ARID3A: variants seen among roughly 807,000 people sequenced by gnomAD.
ARID3A encodes the protein AT-rich interactive domain-containing protein 3A.
A neutral mutation model predicts 52.7 loss-of-function variants in ARID3A; 11 were observed. The ratio of observed to expected loss-of-function variants is 0.21; its 90% CI spans 0.13 to 0.35. The LOEUF (loss-of-function observed/expected upper bound fraction) is 0.35, where lower values mean the gene tolerates loss of function less well. ARID3A is among the 10% of genes least tolerant of loss of function. ARID3A has a pLI of 1.00. For synonymous variants in ARID3A, 404 were observed against 359.4 expected (o/e 1.12, Z -1.40); for missense variants, 721 against 838.5 (o/e 0.86, Z 1.73).
chr19:961,130 A>C (rs1272135810), intron 4 of ARID3A, among the ~76,000 whole-genome samples: 1 of 152,142 alleles, frequency 6.6e-6, no homozygotes, highest in Non-Finnish European at 1.5e-5. Context: ...CACTGTTCAG[A>C]CGGGGGAGGA....
intron 3 of ARID3A, among the ~76,000 whole-genome samples, chr19:939,122 TTTA>T (rs1209578859): frequency 2.0e-5 from 3 of 148,662 alleles, no homozygotes; most frequent in African/African-American, 7.5e-5. Flanking sequence ...TATTTATTTA[TTTA>T]TTATTATTAT....
At position 941,403 on chromosome 19, in the gene ARID3A, G is replaced by A. The variant is rs1381816878; in HGVS notation, c.693+8661G>A. ...TGGATTCTGTGGGTCTCGTGTGTGG[G>A]GCTGTGTGCACCCAGCCAGCGGCAC... On this transcript the variant is annotated intron_variant, in intron 3 of 8. Transcript: ENST00000263620. This position sits in a 1 kb window ranked among gnomAD's most constrained non-coding sequence, Gnocchi z 6.9. Among the ~76,000 whole-genome samples the A allele has an allele frequency of 2.6e-5, 4 of 152,202 alleles. No individual in the cohort carries two copies. The highest frequency in any genetic ancestry group is 9.6e-5 in the African/African-American group (4 of 41,460).
Position 929,406 on chromosome 19 carries a change from C to G in ARID3A, c.-123C>G. On this transcript the variant is annotated 5_prime_UTR_variant, in exon 2 of 9. Transcript: ENST00000263620. The surrounding 1 kb of genome is among the most constrained non-coding windows in gnomAD (Gnocchi z 6.2). ...TGCCACCCTGCACTGCCCCGGCTCC[C>G]CCGCGGCCCCCACGCTGCAGTGCGG... The G allele has an allele frequency of 9.0e-7, 1 of 1,112,084 alleles. No individual in the cohort carries two copies. Among genetic ancestry groups the G allele is most frequent in the Non-Finnish European group, 1.1e-6 (1 of 875,030 alleles). 68.9% of individuals were successfully genotyped at this position (1,112,084 alleles called of 1,614,324 possible).
In ARID3A at chr19:938,166, C is replaced by T. The variant is rs1462145314; in HGVS notation, c.693+5424C>T. Reference sequence around the variant, plus strand: ...GCCTGTTGTCGACTTTTGATCCTAGCCTCCTTGTGGGGGTGGCGTGGTTTC... The same window carrying T: ...GCCTGTTGTCGACTTTTGATCCTAGTCTCCTTGTGGGGGTGGCGTGGTTTC... On this transcript the variant is annotated intron_variant, in intron 3 of 8. Coordinates refer to ENST00000263620, the MANE Select transcript of ARID3A (RefSeq NM_005224.3). The surrounding 1 kb of genome is among the most constrained non-coding windows in gnomAD (Gnocchi z 4.0). 1.3e-5 allele frequency among the ~76,000 whole-genome samples: 2 copies of T among 152,096 alleles called. No individual in the cohort carries two copies. The highest frequency in any genetic ancestry group is 2.4e-5 in the African/African-American group (1 of 41,416).
rs1165046830 is a variant in ARID3A, at chr19:974,582, C to T, written c.*2517C>T. On this transcript the variant is annotated 3_prime_UTR_variant, in exon 9 of 9. Transcript: ENST00000263620. The stretch of plus-strand genomic sequence containing the variant: ...CTGAGCCCCTGGGGTGCCTCTCCCC[C>T]GCCTCCCGTGCACCAGGGTCTGCAG... 2.6e-5 allele frequency: 6 copies of T among 230,158 alleles called. No individual in the cohort carries two copies. In the East Asian group the frequency reaches 3.1e-4, roughly 12 times the overall value. The allele number at this position is 230,158 out of a possible 1,614,324, so 14.3% of individuals were successfully genotyped here.
At position 972,222 on chromosome 19, in the gene ARID3A, G is replaced by GATATATAT. The variant is rs10637085; in HGVS notation, c.*175_*182dup. The GATATATAT allele has an allele frequency of 8.1e-4, 180 of 222,680 alleles. 1 individual carries two copies. Among genetic ancestry groups the GATATATAT allele is most frequent in the Middle Eastern group, 3.0e-3 (2 of 674 alleles). 13.8% of individuals were successfully genotyped at this position (222,680 alleles called of 1,614,324 possible). ...CTGACGCCAAAAAGAAAAGAAAAAA[G>GATATATAT]ATATATATATATATATATATATATA... On this transcript the variant is annotated 3_prime_UTR_variant, in exon 9 of 9. Coordinates refer to ENST00000263620, the MANE Select transcript of ARID3A (RefSeq NM_005224.3).
chr19:948,495 T>C (rs1298490161), intron 3 of ARID3A, among the ~76,000 whole-genome samples: 2 of 152,024 alleles, frequency 1.3e-5, no homozygotes, highest in Non-Finnish European at 2.9e-5. Flanking sequence ...ACCCCCACCA[T>C]GGGTAAACTG....
intron 3 of ARID3A, among the ~76,000 whole-genome samples, chr19:935,517 G>A (rs983393359): frequency 2.6e-5 from 4 of 152,144 alleles, no homozygotes; most frequent in African/African-American, 7.2e-5. Flanking sequence ...TTACTCTGTC[G>A]GGTAGGCTGG....
chr19:934,213 A>G (rs553603519), intron 3 of ARID3A, among the ~76,000 whole-genome samples: 57 of 152,272 alleles, frequency 3.7e-4, no homozygotes, highest in Non-Finnish European at 6.2e-4. Flanking sequence ...GGGAGGGTCA[A>G]GGCCCCCCAT....
At chr19:967,061 C>G (rs574961664) in intron 7 of ARID3A, among the ~76,000 whole-genome samples, 193 bp downstream of exon 7, 2 of 152,184 alleles carry the variant, frequency 1.3e-5, no homozygotes, top group African/African-American at 4.8e-5. Context: ...AGTTCGAGAT[C>G]AGCCTGGGCA....
At chr19:951,982 A>T (rs574096443) in intron 3 of ARID3A, among the ~76,000 whole-genome samples, 159 of 150,140 alleles carry the variant, frequency 1.1e-3, no homozygotes, top group African/African-American at 3.3e-3. Flanking sequence ...CAAAAAATTT[A>T]AAAAAAAAAT....
At chr19:946,059 C>A (rs1049833856) in intron 3 of ARID3A, among the ~76,000 whole-genome samples, 4 of 151,930 alleles carry the variant, frequency 2.6e-5, no homozygotes, top group Admixed American at 6.6e-5. Context: ...ATGAGGCTCG[C>A]GGAGGCAGGG....
At chr19:930,373 G>A (rs1038129123) in intron 2 of ARID3A, among the ~76,000 whole-genome samples, 14 of 151,172 alleles carry the variant, frequency 9.3e-5, no homozygotes, top group Admixed American at 2.6e-4. Context: ...CCAACATGGC[G>A]AAACCCCATC....
At chr19:927,658 G>A (rs570133006) in intron 1 of ARID3A, among the ~76,000 whole-genome samples, 1 of 133,196 alleles carries the variant, frequency 7.5e-6, no homozygotes, top group South Asian at 2.7e-4. Flanking sequence ...CAGACCCTGA[G>A]TCAGAAATGC....
chr19:957,378 C>A (rs376221327), intron 3 of ARID3A, among the ~76,000 whole-genome samples: 3 of 152,202 alleles, frequency 2.0e-5, no homozygotes, highest in Admixed American at 2.0e-4. Flanking sequence ...GCTCTGGTCC[C>A]GCACTCGCCG....
Position 973,461 on chromosome 19 carries a change from TG to T in ARID3A, c.*1402del. The T allele has an allele frequency of 4.7e-6, 1 of 210,630 alleles. No individual in the cohort carries two copies. Among genetic ancestry groups the T allele is most frequent in the Non-Finnish European group, 9.6e-6 (1 of 103,704 alleles). 13.0% of individuals were successfully genotyped at this position (210,630 alleles called of 1,614,324 possible). A position where few individuals can be genotyped will look rare whatever the true frequency, so the allele number is the denominator to read the frequency against. On this transcript the variant is annotated 3_prime_UTR_variant, in exon 9 of 9. Coordinates refer to ENST00000263620, the MANE Select transcript of ARID3A (RefSeq NM_005224.3). ...AGTAGCAAGTGCTGGAAAAAGGGCCTGGGGGGCGGGGGTGGTTCTTGTCGAA... is the reference window on the plus strand; with the variant it reads ...AGTAGCAAGTGCTGGAAAAAGGGCCTGGGGGCGGGGGTGGTTCTTGTCGAA...
rs1177444631 is a variant in ARID3A at position 964,663 on chromosome 19, A to G, written c.951-170A>G. Among the ~76,000 whole-genome samples the G allele has an allele frequency of 6.6e-6, 1 of 152,164 alleles. No individual in the cohort carries two copies. Among genetic ancestry groups the G allele is most frequent in the African/African-American group, 2.4e-5 (1 of 41,452 alleles). On this transcript the variant is annotated intron_variant, in intron 5 of 8. Transcript: ENST00000263620. The surrounding 1 kb of genome is among the most constrained non-coding windows in gnomAD (Gnocchi z 5.7). ...ATCAGGGGCCATTGCGAGGAACAGC[A>G]TTGAGATGGAGGGAATGGGCAAAGG...
Position 969,795 on chromosome 19 carries a change from C to A in ARID3A, c.1594+1292C>A, listed in dbSNP as rs183922772. Reference sequence around the variant, plus strand: ...CTGTGCCTCCTGGGTTCGAGCGATTCTCCTGCCTCAGCCTCCCCAAGTAGC... The same window carrying A: ...CTGTGCCTCCTGGGTTCGAGCGATTATCCTGCCTCAGCCTCCCCAAGTAGC... On this transcript the variant is annotated intron_variant, in intron 8 of 8. Coordinates refer to ENST00000263620, the MANE Select transcript of ARID3A (RefSeq NM_005224.3). 2.6e-3 allele frequency among the ~76,000 whole-genome samples: 392 copies of A among 150,304 alleles called. 1 individual carries two copies. Among genetic ancestry groups the A allele is most frequent in the South Asian group, 6.3e-3 (29 of 4,638 alleles).
At position 929,992 on chromosome 19, in the gene ARID3A, G is replaced by A. The variant is rs757882675; in HGVS notation, c.368+96G>A. The A allele has an allele frequency of 4.7e-5, 69 of 1,471,448 alleles. No homozygotes were observed. Among genetic ancestry groups the A allele is most frequent in the Middle Eastern group, 1.8e-4 (1 of 5,460 alleles). 91.1% of individuals were successfully genotyped at this position (1,471,448 alleles called of 1,614,324 possible). ...AGAATGGGAGTAAGGGTCAGGTCGC[G>A]GGATCTCCTTCCTGTAATTCCAGCA... On this transcript the variant is annotated intron_variant, in intron 2 of 8. Coordinates refer to ENST00000263620, the MANE Select transcript of ARID3A (RefSeq NM_005224.3). This position sits in a 1 kb window ranked among gnomAD's most constrained non-coding sequence, Gnocchi z 6.2.
Sources: allele counts gnomAD v4.1 joint callset (sites outside exome capture counted in the v4.1 genomes callset), GRCh38; gene constraint gnomAD v4.1.1; non-coding constraint Gnocchi (gnomAD v3.1); transcripts MANE v1.5; gene names NCBI Gene and HGNC (gene_info 2026-07-23, HGNC 2026-07-21).